RBM19: variants seen among roughly 807,000 people sequenced by gnomAD.
RBM19 encodes the protein RNA binding motif protein 19.
Under a neutral mutation model 116.8 loss-of-function variants are expected in RBM19, and 94 were observed. That is an observed-to-expected ratio of 0.80 (90% confidence interval 0.68 to 0.95). The LOEUF (loss-of-function observed/expected upper bound fraction) is 0.95, where lower values mean the gene tolerates loss of function less well. Ranked by LOEUF, RBM19 falls within the 40% of genes least tolerant of loss-of-function variation. RBM19 has a pLI of 0.00. For missense variants in RBM19, 1,161 were observed against 1,220.7 expected, an observed-to-expected ratio of 0.95 and a Z score of 0.73; for synonymous variants, 475 against 494.1, an observed-to-expected ratio of 0.96 and a Z score of 0.51.
At chr12:113,894,586 T>TG (rs1432720338) in intron 21 of RBM19, among the ~76,000 whole-genome samples, 1 of 152,190 alleles carries the variant, frequency 6.6e-6, no homozygotes. Flanking sequence ...CTCCTCAGAC[T>TG]GGGGGTTGCA....
intron 21 of RBM19, among the ~76,000 whole-genome samples, chr12:113,894,503 C>T (rs1247858787): frequency 6.6e-6 from 1 of 152,202 alleles, no homozygotes; most frequent in Admixed American, 6.5e-5. Flanking sequence ...TTAGCAGGCA[C>T]AGTGCCTCTC....
At chr12:113,837,416 A>C (rs1876060322) in intron 23 of RBM19, among the ~76,000 whole-genome samples, 1 of 152,220 alleles carries the variant, frequency 6.6e-6, no homozygotes, top group Non-Finnish European at 1.5e-5. Context: ...CAGAAAAGGA[A>C]GAGTGAGTGC....
intron 23 of RBM19, among the ~76,000 whole-genome samples, chr12:113,842,900 T>C (rs1876623855): frequency 6.6e-6 from 1 of 151,666 alleles, no homozygotes; most frequent in Admixed American, 6.6e-5. Context: ...TGGGGAACAA[T>C]GAACTCTGTG....
chr12:113,887,997 C>T (rs1186115264), intron 21 of RBM19, among the ~76,000 whole-genome samples: 3 of 152,168 alleles, frequency 2.0e-5, no homozygotes, highest in African/African-American at 7.2e-5. Flanking sequence ...GTTGAGATTA[C>T]AGGTGTGAGC....
At position 113,829,860 on chromosome 12, in the gene RBM19, A is replaced by G. The variant is rs146675932; in HGVS notation, c.2786-6539T>C. 2.5e-3 allele frequency among the ~76,000 whole-genome samples: 377 copies of G among 152,360 alleles called. 3 individuals are homozygous for G. The highest frequency in any genetic ancestry group is 0.013 in the Admixed American group (193 of 15,308). ...TGTGAGGCCACCCCAGAGGACAGGC[A>G]GTGCCCAGCAAAGGGGAAATCCAGC... On this transcript the variant is annotated intron_variant, in intron 23 of 23. Transcript: ENST00000261741.
rs1296712674 is a variant in RBM19, at chr12:113,962,354, G to C, written c.97C>G (p.Leu33Val). 6.2e-7 allele frequency: 1 copy of C among 1,614,088 alleles called. No homozygotes were observed. Among genetic ancestry groups the C allele is most frequent in the East Asian group, 2.2e-5 (1 of 44,894 alleles). The change falls in exon 2 of 24, where the codon CTG becomes GTG. Residue 33 changes from leucine to valine, a missense_variant. Leu to Val is a conservative substitution (Grantham distance 32, BLOSUM62 1). Coordinates refer to ENST00000261741, the MANE Select transcript of RBM19 (RefSeq NM_016196.4). The part of the protein sequence containing the change: ...AAFGTLTDCS[L>V]KFTKDGKFRK... ...AACTTGCCATCTTTGGTGAACTTCA[G>C]GCTGCAGTCTGTCAGCGTGCCGAAG...
At chr12:113,939,658 G>A (rs1190539258) in intron 15 of RBM19, among the ~76,000 whole-genome samples, 1 of 151,944 alleles carries the variant, frequency 6.6e-6, no homozygotes, top group Admixed American at 6.6e-5. Flanking sequence ...GCTGAGGCAG[G>A]AGAATGGCGT....
In RBM19 at chr12:113,914,995, G is replaced by C. The variant is rs767897536; in HGVS notation, c.2532C>G (p.His844Gln). 27 of 1,614,052 alleles carry C rather than the reference G, an allele frequency of 1.7e-5. No individual in the cohort carries two copies. Among genetic ancestry groups the C allele is most frequent in the Non-Finnish European group, 2.2e-5 (26 of 1,179,980 alleles). The change falls in exon 21 of 24, where the codon CAC becomes CAG. Residue 844 changes from histidine to glutamine, a missense_variant. His to Gln is a conservative substitution (Grantham distance 24). Transcript: ENST00000261741. ...ILVRNIPFQA[H>Q]SREIRELFST... ...TGAAGAGCTCTCGGATCTCCCGGCT[G>C]TGGGCCTGGAAGGGGATGTTCCGCA...
chr12:113,858,995 A>G (rs1393925628), intron 21 of RBM19, 99 bp from the exon 22 acceptor site: 1 of 1,098,990 alleles, frequency 9.1e-7, no homozygotes, highest in Non-Finnish European at 1.4e-6. Context: ...CCTTTGGGTT[A>G]TAAAAGACAA....
At chr12:113,888,318 C>T (rs1880689356) in intron 21 of RBM19, among the ~76,000 whole-genome samples, 1 of 152,168 alleles carries the variant, frequency 6.6e-6, no homozygotes, top group South Asian at 2.1e-4. Flanking sequence ...GCTGACATCA[C>T]ATCCGTCAAA....
At chr12:113,823,693 G>C (rs964052774) in intron 23 of RBM19, among the ~76,000 whole-genome samples, 3 of 152,056 alleles carry the variant, frequency 2.0e-5, no homozygotes, top group Non-Finnish European at 4.4e-5. Flanking sequence ...TCTTCTACCC[G>C]CAGGGGAAAG....
intron 21 of RBM19, among the ~76,000 whole-genome samples, chr12:113,895,486 A>G (rs1347220843): frequency 6.6e-6 from 1 of 152,236 alleles, no homozygotes; most frequent in Non-Finnish European, 1.5e-5. Flanking sequence ...ACATGGGTGA[A>G]ATAGGCAAGA....
intron 23 of RBM19, among the ~76,000 whole-genome samples, chr12:113,831,598 A>G (rs1485679370): frequency 6.6e-6 from 1 of 152,216 alleles, no homozygotes. Context: ...GGCCCGGCAC[A>G]GCTGGCTTCC....
intron 21 of RBM19, among the ~76,000 whole-genome samples, chr12:113,899,751 G>A (rs896485622): frequency 5.9e-5 from 9 of 152,222 alleles, no homozygotes; most frequent in African/African-American, 2.2e-4. Flanking sequence ...TGCGTGAGGG[G>A]AGAGAAGCTG....
chr12:113,890,736 A>AT (rs1221395346), intron 21 of RBM19, among the ~76,000 whole-genome samples: 1 of 152,202 alleles, frequency 6.6e-6, no homozygotes, highest in Non-Finnish European at 1.5e-5. Flanking sequence ...CAGTTCCGAG[A>AT]TCCTTCTCCC....
At chr12:113,933,565 G>A (rs144684230) in intron 16 of RBM19, among the ~76,000 whole-genome samples, 5 of 152,312 alleles carry the variant, frequency 3.3e-5, no homozygotes, top group East Asian at 1.9e-4. Context: ...TTCTTTGTGT[G>A]AGTCATGGTC....
intron 23 of RBM19, among the ~76,000 whole-genome samples, chr12:113,830,460 G>A (rs1875281604): frequency 6.6e-6 from 1 of 151,864 alleles, no homozygotes; most frequent in Non-Finnish European, 1.5e-5. Flanking sequence ...TGCTCTGGGT[G>A]TCTTGTGTGT....
At chr12:113,959,928 G>T (rs1423406284) in intron 3 of RBM19, 25 bp from the exon 4 acceptor site, 4 of 1,614,142 alleles carry the variant, frequency 2.5e-6, no homozygotes, top group Non-Finnish European at 3.4e-6. Flanking sequence ...CACAGAGAGT[G>T]AGGGTCACAC....
At chr12:113,928,955 G>A (rs1263922283) in intron 16 of RBM19, among the ~76,000 whole-genome samples, 1 of 152,068 alleles carries the variant, frequency 6.6e-6, no homozygotes, top group Non-Finnish European at 1.5e-5. Flanking sequence ...CTTCAAAGCA[G>A]TTCTCAGGCT....
Sources: gnomAD v4.1 joint callset for allele counts (sites outside exome capture counted in the v4.1 genomes callset) on GRCh38, gnomAD v4.1.1 for gene constraint, MANE v1.5 for transcripts, NCBI Gene and HGNC (gene_info 2026-07-23, HGNC 2026-07-21) for gene names.